ESYT1: variants seen among roughly 807,000 people sequenced by gnomAD.
The protein encoded by ESYT1 is extended synaptotagmin 1.
In ESYT1, 116 loss-of-function variants were observed where a neutral mutation model predicts 154.2. The observed-to-expected ratio is 0.75, with a 90% CI of 0.65 to 0.88. The LOEUF is 0.88. ESYT1 is among the 40% of genes least tolerant of loss of function. ESYT1 has a pLI of 0.00. For missense variants in ESYT1, 1,264 were observed against 1,379.3 expected (o/e 0.92, Z 1.32); for synonymous variants, 500 against 539.9 (o/e 0.93, Z 1.02).
chr12:56,136,494 G>A (rs776247779), intron 15 of ESYT1, among the ~76,000 whole-genome samples: 10 of 151,802 alleles, frequency 6.6e-5, no homozygotes, highest in Non-Finnish European at 1.5e-4. Flanking sequence ...GGGAGGCTGA[G>A]GTAGGAGAAT....
chr12:56,140,583 C>CT (rs1295772749), intron 24 of ESYT1, among the ~76,000 whole-genome samples: 16 of 151,898 alleles, frequency 1.1e-4, no homozygotes, highest in African/African-American at 2.9e-4. Context: ...AGGCTGGTCT[C>CT]TAAGTCCTGA....
chr12:56,136,060 CAA>C (rs72370981), intron 15 of ESYT1, among the ~76,000 whole-genome samples: 21 of 45,750 alleles, frequency 4.6e-4, no homozygotes, highest in Admixed American at 1.5e-3. Context: ...ACTCTGTCTC[CAA>C]AAAAAAAAAA....
chr12:56,142,774 A>T lies in ESYT1; in HGVS notation c.2888+42A>T. On this transcript the variant is annotated intron_variant, in intron 26 of 30. Transcript: ENST00000394048. This position sits in a 1 kb window ranked among gnomAD's most constrained non-coding sequence, Gnocchi z 4.1. Reference sequence around the variant, plus strand: ...GGAAGGTGGGACGCAGTCAGAAATAAAAAGTATTACAGGTTCACTAGGCTC... The same window carrying T: ...GGAAGGTGGGACGCAGTCAGAAATATAAAGTATTACAGGTTCACTAGGCTC... The T allele has an allele frequency of 6.2e-7, 1 of 1,613,360 alleles. No homozygotes were observed. Among genetic ancestry groups the T allele is most frequent in the South Asian group, 1.1e-5 (1 of 91,066 alleles).
chr12:56,138,606 T>C (rs1227597913), intron 22 of ESYT1, 107 bp downstream of exon 22: 1 of 1,320,758 alleles, frequency 7.6e-7, no homozygotes, highest in African/African-American at 1.5e-5. Flanking sequence ...CCCCTCTCTT[T>C]CTGAGGGTAG....
At chr12:56,135,557 T>C (rs1235343737) in intron 15 of ESYT1, among the ~76,000 whole-genome samples, 3 of 151,950 alleles carry the variant, frequency 2.0e-5, no homozygotes, top group Non-Finnish European at 4.4e-5. Flanking sequence ...TTCAGTTTCA[T>C]AGACAAGACA....
chr12:56,131,620 A>G, intron 6 of ESYT1, 54 bp downstream of exon 6: 1 of 1,606,186 alleles, frequency 6.2e-7, no homozygotes, highest in Non-Finnish European at 8.5e-7. Context: ...GAGGACTGGG[A>G]GGATGAGGGC....
At chr12:56,128,921 A>G in intron 1 of ESYT1, 1 of 600,120 alleles carries the variant, frequency 1.7e-6, no homozygotes, top group Non-Finnish European at 2.9e-6. Flanking sequence ...GCATGCCCAG[A>G]CTGGATCCTT....
chr12:56,132,157 G>A (rs982057639), intron 7 of ESYT1, 52 bp from the exon 8 acceptor site: 2 of 1,613,392 alleles, frequency 1.2e-6, no homozygotes, highest in African/African-American at 2.7e-5. Flanking sequence ...TTGGGGTTAG[G>A]AGAAAATTGG....
Position 56,133,076 on chromosome 12 carries a change from G to A in ESYT1, c.1244+275G>A, listed in dbSNP as rs544865993. ...GAGGAGTTTGCAGTGAGCCGAGATC[G>A]CGCCACTGCACTCCAGCCTGGGCGA... On this transcript the variant is annotated intron_variant, in intron 10 of 30. Coordinates refer to ENST00000394048, the MANE Select transcript of ESYT1 (RefSeq NM_015292.3). Among the ~76,000 whole-genome samples, 30 of 151,994 alleles carry A rather than the reference G, an allele frequency of 2.0e-4. No homozygotes were observed. In the South Asian group the frequency reaches 3.1e-3, roughly 16 times the overall value.
In ESYT1 at chr12:56,142,953, G is replaced by A; in HGVS notation, c.2987+20G>A. The stretch of plus-strand genomic sequence containing the variant: ...TTGCCGGTGAGACCCCATCCCTCCT[G>A]TCCTCCAGATCGCCTCCATCCCTTC... On this transcript the variant is annotated intron_variant, in intron 27 of 30. Transcript: ENST00000394048. The surrounding 1 kb of genome is among the most constrained non-coding windows in gnomAD (Gnocchi z 4.1). 6.2e-7 allele frequency: 1 copy of A among 1,614,056 alleles called. No individual in the cohort carries two copies. Among genetic ancestry groups the A allele is most frequent in the Non-Finnish European group, 8.5e-7 (1 of 1,179,998 alleles).
At position 56,142,501 on chromosome 12, in the gene ESYT1, G is replaced by A. The variant is rs1870742151; in HGVS notation, c.2733+76G>A. Reference sequence around the variant, plus strand: ...TCACAGGTGAGGGACACCCAGGAGGGTGGGAACAGAGGGCCGTGTCCTTAG... The same window carrying A: ...TCACAGGTGAGGGACACCCAGGAGGATGGGAACAGAGGGCCGTGTCCTTAG... On this transcript the variant is annotated intron_variant, in intron 25 of 30. Transcript: ENST00000394048. This position sits in a 1 kb window ranked among gnomAD's most constrained non-coding sequence, Gnocchi z 4.1. 6.2e-7 allele frequency: 1 copy of A among 1,609,608 alleles called. No individual in the cohort carries two copies. Among genetic ancestry groups the A allele is most frequent in the Non-Finnish European group, 8.5e-7 (1 of 1,176,824 alleles).
At position 56,128,344 on chromosome 12, in the gene ESYT1, C is replaced by T; in HGVS notation, c.25C>T (p.Pro9Ser). 2 of 1,611,408 alleles carry T rather than the reference C, an allele frequency of 1.2e-6. No individual in the cohort carries two copies. The highest frequency in any genetic ancestry group is 2.2e-5 in the East Asian group (1 of 44,876). MERSPGEGPSPSPMDQPSA... is the reference protein window; with the variant it reads MERSPGEGSSPSPMDQPSA... ...AATGGAGCGATCTCCAGGAGAGGGCCCCAGCCCCAGCCCCATGGACCAGCC... is the reference window on the plus strand; with the variant it reads ...AATGGAGCGATCTCCAGGAGAGGGCTCCAGCCCCAGCCCCATGGACCAGCC... Residue 9 changes from proline (P) to serine (S), a missense_variant, in exon 1 of 31, where the codon CCC (proline) becomes TCC (serine). Coordinates refer to ENST00000394048, the MANE Select transcript of ESYT1 (RefSeq NM_015292.3).
intron 15 of ESYT1, among the ~76,000 whole-genome samples, chr12:56,135,222 G>A (rs147782883): frequency 0.025 from 3,793 of 150,870 alleles, 138 homozygotes; most frequent in African/African-American, 0.088. Context: ...AGGCTGGAGT[G>A]CAATGGCGTG....
chr12:56,137,401 G>T (rs758737441), intron 17 of ESYT1, 28 bp downstream of exon 17: 1 of 1,613,728 alleles, frequency 6.2e-7, no homozygotes, highest in East Asian at 2.2e-5. Flanking sequence ...AAGGACTAGG[G>T]TCTGTTTGCC....
rs746021986 is a variant in ESYT1 at position 56,133,865 on chromosome 12, G to T, written c.1465G>T (p.Asp489Tyr). The T allele has an allele frequency of 6.2e-7, 1 of 1,614,050 alleles. No homozygotes were observed. Among genetic ancestry groups the T allele is most frequent in the Non-Finnish European group, 8.5e-7 (1 of 1,180,016 alleles). The change falls in exon 13 of 31, where the codon GAT becomes TAT. Residue 489 changes from aspartate to tyrosine, a missense_variant. Physicochemically the swap from Asp to Tyr is radical, Grantham distance 160. Coordinates refer to ENST00000394048, the MANE Select transcript of ESYT1 (RefSeq NM_015292.3). ...AGTTGTCTACCTGGATCGGGCCCAG[G>T]ATCTTCCTGTGAGTTTGGCTGGGTG... ...ILVVYLDRAQ[D>Y]LPLKKGNKEP...
intron 1 of ESYT1, chr12:56,130,290 C>T (rs1011854232): frequency 7.8e-6 from 4 of 511,558 alleles, no homozygotes; most frequent in African/African-American, 1.9e-5. Flanking sequence ...AGAATGCGCC[C>T]TTCTCCTCCT....
In ESYT1 at chr12:56,142,493, C is replaced by T. The variant is rs185291138; in HGVS notation, c.2733+68C>T. 3.1e-6 allele frequency: 5 copies of T among 1,607,690 alleles called. No homozygotes were observed. The highest frequency in any genetic ancestry group is 4.5e-5 in the East Asian group (2 of 44,738). On this transcript the variant is annotated intron_variant, in intron 25 of 30. Transcript: ENST00000394048. The surrounding 1 kb of genome is among the most constrained non-coding windows in gnomAD (Gnocchi z 4.1). ...GAGGGCCTTCACAGGTGAGGGACAC[C>T]CAGGAGGGTGGGAACAGAGGGCCGT...
intron 15 of ESYT1, among the ~76,000 whole-genome samples, 174 bp downstream of exon 15, chr12:56,134,602 T>C (rs1474613946): frequency 7.4e-6 from 1 of 135,468 alleles, no homozygotes; most frequent in Non-Finnish European, 1.6e-5. Flanking sequence ...CAGAATAATA[T>C]TTTTTTTTTT....
At position 56,143,026 on chromosome 12, in the gene ESYT1, A is replaced by G. The variant is rs1420054123; in HGVS notation, c.2997A>G (p.Arg999=). The G allele has an allele frequency of 1.9e-6, 3 of 1,613,962 alleles. No homozygotes were observed. The highest frequency in any genetic ancestry group is 2.5e-6 in the Non-Finnish European group (3 of 1,180,006). Residue 999 remains arginine (R), a synonymous_variant, in exon 28 of 31, where the codon CGA becomes CGG. Transcript: ENST00000394048. Reference sequence around the variant, plus strand: ...CATCCTCCTGTTGTAGGTCCCTTCGACAGAATGGACGTGATCCTCCTGATC... The same window carrying G: ...CATCCTCCTGTTGTAGGTCCCTTCGGCAGAATGGACGTGATCCTCCTGATC... ...VSIVHGCRSL[R]QNGRDPPDPY...
Sources: allele counts gnomAD v4.1 joint callset (sites outside exome capture counted in the v4.1 genomes callset), GRCh38; gene constraint gnomAD v4.1.1; non-coding constraint Gnocchi (gnomAD v3.1); transcripts MANE v1.5; gene names NCBI Gene and HGNC (gene_info 2026-07-23, HGNC 2026-07-21).